PDE4D: variants seen among roughly 807,000 people sequenced by gnomAD.
PDE4D encodes the protein phosphodiesterase 4D, also known as 3',5'-cyclic-AMP phosphodiesterase 4D.
PDE4D carries 24 observed loss-of-function variants against 87.4 expected under a neutral mutation model. The observed-to-expected ratio is 0.27, with a 90% CI of 0.20 to 0.39. The LOEUF is 0.39. PDE4D is among the 10% of genes least tolerant of loss of function. PDE4D has a pLI of 1.00. For synonymous variants in PDE4D, 384 were observed against 383.2 expected (o/e 1.00, Z -0.02); for missense variants, 714 against 1,041.0 (o/e 0.69, Z 4.32).
chr5:60,347,487 G>C (rs1337750811), intron 1 of PDE4D, among the ~76,000 whole-genome samples: 2 of 152,052 alleles, frequency 1.3e-5, no homozygotes, highest in African/African-American at 4.8e-5. Flanking sequence ...GTTGTGTAGA[G>C]AATAGGTTGC....
intron 1 of PDE4D, among the ~76,000 whole-genome samples, chr5:60,352,932 A>T (rs919269246): frequency 2.0e-5 from 3 of 152,230 alleles, no homozygotes; most frequent in Non-Finnish European, 2.9e-5. Flanking sequence ...CATTGAAACA[A>T]TATGTAGGAA....
chr5:59,153,371 A>G (rs1039662001), intron 5 of PDE4D, among the ~76,000 whole-genome samples: 3 of 152,238 alleles, frequency 2.0e-5, no homozygotes, highest in African/African-American at 7.2e-5. Flanking sequence ...ATAATGGTCA[A>G]TGAAACAAAT....
At chr5:59,177,715 T>G (rs761916914) in intron 5 of PDE4D, among the ~76,000 whole-genome samples, 1 of 152,224 alleles carries the variant, frequency 6.6e-6, no homozygotes, top group Non-Finnish European at 1.5e-5. Context: ...CTTGGAGCTG[T>G]GTGCTCTAGC....
chr5:59,943,827 C>T (rs1478321799), intron 3 of PDE4D, among the ~76,000 whole-genome samples: 1 of 152,170 alleles, frequency 6.6e-6, no homozygotes, highest in African/African-American at 2.4e-5. Context: ...TTTTCAATAT[C>T]TAAGTCCTTT....
intron 1 of PDE4D, among the ~76,000 whole-genome samples, chr5:60,299,926 A>G (rs1753744516): frequency 6.6e-6 from 1 of 152,184 alleles, no homozygotes; most frequent in Admixed American, 6.5e-5. Flanking sequence ...CAGTAATGGG[A>G]TCTGGCTCAA....
At chr5:60,475,971 CT>C (rs60110791) in intron 1 of PDE4D, among the ~76,000 whole-genome samples, 26,494 of 151,992 alleles carry the variant, frequency 0.17, 3,704 homozygotes, top group African/African-American at 0.38. Context: ...TGATTACATA[CT>C]TACCAGAGTT....
intron 1 of PDE4D, among the ~76,000 whole-genome samples, chr5:60,312,419 A>T (rs1055607055): frequency 2.0e-5 from 3 of 152,216 alleles, no homozygotes; most frequent in African/African-American, 7.2e-5. Context: ...ATGAAGAAAT[A>T]TCTGAGACTG....
chr5:60,287,825 C>A (rs957085389), intron 1 of PDE4D, among the ~76,000 whole-genome samples: 2 of 152,098 alleles, frequency 1.3e-5, no homozygotes, highest in Admixed American at 6.5e-5. Flanking sequence ...TTGACACAAT[C>A]CCCTAATATT....
chr5:59,221,636 A>C (rs553764843), intron 1 of PDE4D, among the ~76,000 whole-genome samples: 35 of 152,254 alleles, frequency 2.3e-4, no homozygotes, highest in Admixed American at 5.9e-4. Flanking sequence ...TGTCTCAAAA[A>C]AAAAAGTTTT....
In PDE4D at chr5:59,562,672, A is replaced by G. The variant is rs1820233169; in HGVS notation, c.455+330496T>C. Among the ~76,000 whole-genome samples, 3 of 152,236 alleles carry G rather than the reference A, an allele frequency of 2.0e-5. No homozygotes were observed. In the South Asian group the frequency reaches 6.2e-4, roughly 32 times the overall value. On this transcript the variant is annotated intron_variant, in intron 1 of 14. Transcript: ENST00000340635. ...ACTTTAAAGTACAGTATATATACCT[A>G]GTTAGGTTGAGTCATGTTTTAGAAA...
chr5:59,589,801 T>A (rs1825669952), intron 1 of PDE4D, among the ~76,000 whole-genome samples: 1 of 152,198 alleles, frequency 6.6e-6, no homozygotes, highest in African/African-American at 2.4e-5. Flanking sequence ...ACAAATGATT[T>A]GGCCATTAAA....
chr5:59,301,504 C>T (rs924579158), intron 1 of PDE4D, among the ~76,000 whole-genome samples: 4 of 151,940 alleles, frequency 2.6e-5, no homozygotes, highest in South Asian at 4.2e-4. Flanking sequence ...TGTCTGAAGC[C>T]GGTAAAGAGA....
chr5:59,979,885 G>GT (rs976293376), intron 3 of PDE4D, among the ~76,000 whole-genome samples: 4 of 151,786 alleles, frequency 2.6e-5, no homozygotes, highest in South Asian at 2.1e-4. Flanking sequence ...TTTTTCTATA[G>GT]TTTTTTTCTA....
intron 1 of PDE4D, among the ~76,000 whole-genome samples, chr5:60,453,798 T>A (rs1490773499): frequency 6.6e-6 from 1 of 152,136 alleles, no homozygotes; most frequent in Non-Finnish European, 1.5e-5. Flanking sequence ...TTTGTCATAG[T>A]TCTTACTGGC....
At chr5:60,454,641 C>T (rs971025941) in intron 1 of PDE4D, among the ~76,000 whole-genome samples, 1 of 151,964 alleles carries the variant, frequency 6.6e-6, no homozygotes, top group Non-Finnish European at 1.5e-5. Context: ...CACACCAGGG[C>T]ATGTTGGGAG....
intron 2 of PDE4D, among the ~76,000 whole-genome samples, chr5:60,007,391 A>C (rs1486097660): frequency 6.6e-6 from 1 of 152,056 alleles, no homozygotes; most frequent in Non-Finnish European, 1.5e-5. Context: ...TAGATGACAC[A>C]AAACGATTGA....
At chr5:59,615,079 C>T (rs1273269149) in intron 1 of PDE4D, among the ~76,000 whole-genome samples, 1 of 152,126 alleles carries the variant, frequency 6.6e-6, no homozygotes, top group Non-Finnish European at 1.5e-5. Context: ...ATCTGCAGGC[C>T]TCGACCTCCC....
At chr5:59,707,855 A>G (rs1488284542) in intron 1 of PDE4D, among the ~76,000 whole-genome samples, 3 of 152,120 alleles carry the variant, frequency 2.0e-5, no homozygotes, top group Non-Finnish European at 4.4e-5. Flanking sequence ...CAACCAGTCT[A>G]TCATTGATGG....
intron 1 of PDE4D, among the ~76,000 whole-genome samples, chr5:60,392,078 G>C (rs887148250): frequency 2.0e-5 from 3 of 152,144 alleles, no homozygotes; most frequent in Non-Finnish European, 4.4e-5. Flanking sequence ...CTACTGACAG[G>C]ACTATTATAA....
Sources: allele counts gnomAD v4.1 joint callset (sites outside exome capture counted in the v4.1 genomes callset), GRCh38; gene constraint gnomAD v4.1.1; transcripts MANE v1.5; gene names NCBI Gene and HGNC (gene_info 2026-07-23, HGNC 2026-07-21).